The following GSE1 variants were observed in gnomAD, a reference collection of about 807,000 sequenced individuals.
GSE1 encodes genetic suppressor element 1.
A neutral mutation model predicts 112.6 loss-of-function variants in GSE1; 32 were observed. That is an observed-to-expected ratio of 0.28 (90% confidence interval 0.21 to 0.38). GSE1 has a LOEUF of 0.38. Among genes scored for constraint, GSE1 ranks in the 10% least tolerant of loss-of-function variants. The probability of loss-of-function intolerance (pLI) is 1.00; values close to 1 mark genes in which losing one functional copy is unlikely to be tolerated. For missense variants in GSE1, 2,348 were observed against 1,699.2 expected, an observed-to-expected ratio of 1.38 and a Z score of -6.71; for synonymous variants, 1,115 against 735.6, an observed-to-expected ratio of 1.52 and a Z score of -8.35.
intron 2 of GSE1, among the ~76,000 whole-genome samples, chr16:85,414,155 G>T (rs111400662): frequency 1.3e-5 from 2 of 152,146 alleles, no homozygotes; most frequent in African/African-American, 4.8e-5. Context: ...ATGGGCCCAC[G>T]CTCCCCTTCC....
chr16:85,528,524 A>T (rs934329249), intron 2 of GSE1, among the ~76,000 whole-genome samples: 3 of 149,294 alleles, frequency 2.0e-5, no homozygotes, highest in African/African-American at 5.0e-5. Context: ...AGATCTCACT[A>T]TGTTGCCAGA....
At chr16:85,645,100 AG>A (rs2050744410) in intron 2 of GSE1, among the ~76,000 whole-genome samples, 1 of 150,880 alleles carries the variant, frequency 6.6e-6, no homozygotes. Context: ...TGGATCTAGT[AG>A]CCCGCCGGCA....
At chr16:85,463,497 G>A (rs552008498) in intron 2 of GSE1, among the ~76,000 whole-genome samples, 72 of 152,332 alleles carry the variant, frequency 4.7e-4, no homozygotes, top group African/African-American at 1.6e-3. Context: ...GCTCCTGGAG[G>A]TGGGTCCAAC....
chr16:85,586,216 G>A (rs910922208), intron 1 of GSE1, among the ~76,000 whole-genome samples: 1 of 152,246 alleles, frequency 6.6e-6, no homozygotes, highest in East Asian at 1.9e-4. Context: ...GACCTCATCT[G>A]AACTAATTAA....
chr16:85,489,089 C>T (rs1026205276), intron 2 of GSE1, among the ~76,000 whole-genome samples: 1 of 152,250 alleles, frequency 6.6e-6, no homozygotes, highest in African/African-American at 2.4e-5. Context: ...ATGTCTGCAG[C>T]GTCCCGTGTG....
intron 1 of GSE1, among the ~76,000 whole-genome samples, chr16:85,618,222 G>A (rs1251782620): frequency 6.6e-6 from 1 of 152,102 alleles, no homozygotes; most frequent in African/African-American, 2.4e-5. Context: ...GGGGGTGCGT[G>A]CTAATGGTGA....
intron 1 of GSE1, among the ~76,000 whole-genome samples, chr16:85,209,507 C>T (rs968577973): frequency 3.3e-5 from 5 of 152,190 alleles, no homozygotes; most frequent in Non-Finnish European, 5.9e-5. Flanking sequence ...CCACTGACCC[C>T]TCCCACCCTC....
At chr16:85,605,699 T>G (rs1440205760) in intron 1 of GSE1, among the ~76,000 whole-genome samples, 2 of 151,888 alleles carry the variant, frequency 1.3e-5, no homozygotes, top group Non-Finnish European at 2.9e-5. Flanking sequence ...AAGCCACATT[T>G]TAACGTTTGC....
chr16:85,171,634 C>T, exon 1 of GSE1: 1 of 985,424 alleles, frequency 1.0e-6, no homozygotes, highest in African/African-American at 1.7e-5. Context: ...GCGGGTGGCC[C>T]GGCTGCCCCT....
chr16:85,301,562 G>A (rs78165262), intron 1 of GSE1, among the ~76,000 whole-genome samples: 59 of 152,388 alleles, frequency 3.9e-4, no homozygotes, highest in East Asian at 2.7e-3. Flanking sequence ...CCAAAGGAAA[G>A]TTGCTGGGGC....
At chr16:85,453,666 A>C (rs1250111824) in intron 2 of GSE1, among the ~76,000 whole-genome samples, 1 of 151,982 alleles carries the variant, frequency 6.6e-6, no homozygotes, top group Non-Finnish European at 1.5e-5. Context: ...TGAAGTCTAG[A>C]GCTCAGGGGG....
At chr16:85,626,511 C>T (rs2049081228) in intron 1 of GSE1, among the ~76,000 whole-genome samples, 2 of 152,186 alleles carry the variant, frequency 1.3e-5, no homozygotes, top group South Asian at 2.1e-4. Context: ...TGAAAAATTA[C>T]CAAGAGGGGT....
Position 85,346,537 on chromosome 16 carries a change from TAGGC to T in GSE1, c.2284-10925_2284-10922del, listed in dbSNP as rs1199158564. Reference sequence around the variant, plus strand: ...GGATGGATGGTGGATGGGTGGATGATAGGCGGGTGGATGGGTGATGGACAGGCGG... The same window carrying T: ...GGATGGATGGTGGATGGGTGGATGATGGGTGGATGGGTGATGGACAGGCGG... On this transcript the variant is annotated intron_variant, in intron 1 of 2. Coordinates refer to the GSE1 transcript ENST00000637419. Among the ~76,000 whole-genome samples, 3 of 142,880 alleles carry T rather than the reference TAGGC, an allele frequency of 2.1e-5. No homozygotes were observed. In the East Asian group the frequency reaches 6.6e-4, roughly 31 times the overall value. The allele number at this position is 142,880 out of a possible 152,430, so 93.7% of individuals were successfully genotyped here. A position where few individuals can be genotyped will look rare whatever the true frequency, so the allele number is the denominator to read the frequency against.
chr16:85,268,364 C>T (rs1908477241), intron 1 of GSE1, among the ~76,000 whole-genome samples: 1 of 152,192 alleles, frequency 6.6e-6, no homozygotes, highest in Non-Finnish European at 1.5e-5. Context: ...CAGGTCCCCA[C>T]TGAGTGACCG....
chr16:85,620,475 C>A (rs2048659904), intron 1 of GSE1, among the ~76,000 whole-genome samples: 1 of 152,246 alleles, frequency 6.6e-6, no homozygotes. Context: ...CGATGCTATA[C>A]TGGGTGTTGA....
chr16:85,361,056 A>G (rs1246245586), intron 2 of GSE1, among the ~76,000 whole-genome samples: 2 of 151,962 alleles, frequency 1.3e-5, no homozygotes, highest in East Asian at 3.9e-4. Context: ...TGCGATACAC[A>G]TATGGATACA....
At chr16:85,650,578 G>A (rs879709478) in intron 3 of GSE1, among the ~76,000 whole-genome samples, 2 of 152,156 alleles carry the variant, frequency 1.3e-5, no homozygotes, top group African/African-American at 4.8e-5. Context: ...GGTCCTTACC[G>A]CCTCGGGAAC....
chr16:85,470,216 C>G lies in GSE1; in HGVS notation c.2464+112573C>G, dbSNP rs1459367885. ...CCACGGCACCCAGAACTTGCTGGAA[C>G]AAGGAGGTGCCTGAATCCTCGGTTG... On this transcript the variant is annotated intron_variant, in intron 2 of 2. Transcript: ENST00000637419. Among the ~76,000 whole-genome samples, 3 of 152,252 alleles carry G rather than the reference C, an allele frequency of 2.0e-5. No individual in the cohort carries two copies. In the South Asian group the frequency reaches 6.2e-4, roughly 32 times the overall value.
chr16:85,492,325 G>C (rs540587088), intron 2 of GSE1, among the ~76,000 whole-genome samples: 198 of 152,252 alleles, frequency 1.3e-3, no homozygotes, highest in Admixed American at 3.7e-3. Context: ...CTCAGATTCT[G>C]TCCCCGCCAG....
Sources: allele counts gnomAD v4.1 joint callset (sites outside exome capture counted in the v4.1 genomes callset), GRCh38; gene constraint gnomAD v4.1.1; transcripts MANE v1.5; gene names NCBI Gene and HGNC (gene_info 2026-07-23, HGNC 2026-07-21).